Variants in SEM1 observed in about 807,000 individuals in gnomAD.
The protein encoded by SEM1 is 26S proteasome complex subunit SEM1.
Under a neutral mutation model 12.7 loss-of-function variants are expected in SEM1, and 3 were observed. The ratio of observed to expected loss-of-function variants is 0.24; its 90% CI spans 0.11 to 0.61. The LOEUF (loss-of-function observed/expected upper bound fraction) is 0.61. SEM1 is among the 20% of genes least tolerant of loss of function. The pLI is 0.88. For synonymous variants in SEM1, 30 were observed against 27.8 expected (o/e 1.08, Z -0.25); for missense variants, 59 against 81.3 (o/e 0.73, Z 1.06).
At chr7:96,632,457 A>G (rs1229249749) in intron 2 of SEM1, among the ~76,000 whole-genome samples, 1 of 152,182 alleles carries the variant, frequency 6.6e-6, no homozygotes, top group Non-Finnish European at 1.5e-5. Flanking sequence ...ACAAGAACAG[A>G]AAAGCAAACA....
chr7:96,490,299 C>T (rs1186024358), intron 1 of SEM1, among the ~76,000 whole-genome samples: 2 of 152,112 alleles, frequency 1.3e-5, no homozygotes, highest in East Asian at 1.9e-4. Context: ...AAAGACCTTT[C>T]CTCAAACAAC....
intron 2 of SEM1, among the ~76,000 whole-genome samples, chr7:96,652,978 T>C (rs1809048087): frequency 6.6e-6 from 1 of 152,198 alleles, no homozygotes; most frequent in Admixed American, 6.5e-5. Flanking sequence ...ATAACAATAA[T>C]GGTGGACAGG....
At chr7:96,566,359 CATTT>C (rs1278390101) in intron 2 of SEM1, among the ~76,000 whole-genome samples, 2 of 151,520 alleles carry the variant, frequency 1.3e-5, no homozygotes, top group African/African-American at 4.8e-5. Flanking sequence ...TTTTAATAAA[CATTT>C]ATTTAATGGT....
At chr7:96,657,483 G>T (rs2116494350) in intron 2 of SEM1, among the ~76,000 whole-genome samples, 1 of 152,262 alleles carries the variant, frequency 6.6e-6, no homozygotes, top group Admixed American at 6.5e-5. Context: ...TTAAAATCAA[G>T]GGAAAAGAGA....
At chr7:96,704,270 A>G (rs936327580) in intron 1 of SEM1, among the ~76,000 whole-genome samples, 2 of 152,198 alleles carry the variant, frequency 1.3e-5, no homozygotes, top group Admixed American at 1.3e-4. Flanking sequence ...AGAAAAAAAC[A>G]TTTAACGTTG....
chr7:96,518,388 A>C (rs756405601), intron 2 of SEM1, among the ~76,000 whole-genome samples: 3 of 152,196 alleles, frequency 2.0e-5, no homozygotes, highest in Non-Finnish European at 4.4e-5. Context: ...AGAATGAGTG[A>C]AAGAGCGATG....
intron 2 of SEM1, among the ~76,000 whole-genome samples, chr7:96,518,465 C>T (rs1804166018): frequency 6.6e-6 from 1 of 152,086 alleles, no homozygotes; most frequent in Non-Finnish European, 1.5e-5. Context: ...CAGCCTATGC[C>T]ACTGTGTCTG....
intron 1 of SEM1, among the ~76,000 whole-genome samples, chr7:96,707,491 G>C (rs1447060654): frequency 1.3e-5 from 2 of 152,150 alleles, no homozygotes; most frequent in Admixed American, 6.5e-5. Flanking sequence ...CTCTAAAATG[G>C]AAAGTTTCCT....
intron 2 of SEM1, among the ~76,000 whole-genome samples, chr7:96,578,428 G>A (rs959734081): frequency 6.6e-6 from 1 of 152,064 alleles, no homozygotes; most frequent in African/African-American, 2.4e-5. Context: ...ATCAGAAGAT[G>A]GGATAATATC....
chr7:96,702,784 T>C (rs1208713194), intron 1 of SEM1, among the ~76,000 whole-genome samples: 3 of 152,156 alleles, frequency 2.0e-5, no homozygotes, highest in African/African-American at 7.2e-5. Flanking sequence ...ACATCCCCAG[T>C]AATGGAACAA....
chr7:96,501,074 C>G (rs1048471513), upstream of SEM1, among the ~76,000 whole-genome samples: 1 of 151,968 alleles, frequency 6.6e-6, no homozygotes, highest in Non-Finnish European at 1.5e-5. Context: ...TCTTCAATAT[C>G]GTGACAAGTT....
At chr7:96,643,344 TA>T (rs898183239) in intron 2 of SEM1, among the ~76,000 whole-genome samples, 66 of 144,820 alleles carry the variant, frequency 4.6e-4, no homozygotes, top group African/African-American at 1.8e-3. Context: ...TCTTTATTTT[TA>T]TTTATTTTTA....
intron 1 of SEM1, among the ~76,000 whole-genome samples, chr7:96,488,169 TGA>T (rs1182200820): frequency 6.6e-6 from 1 of 151,992 alleles, no homozygotes; most frequent in Admixed American, 6.6e-5. Context: ...CTATGACGCA[TGA>T]GAGAAGAAGA....
At chr7:96,626,194 G>A (rs1341929852) in intron 2 of SEM1, among the ~76,000 whole-genome samples, 1 of 151,898 alleles carries the variant, frequency 6.6e-6, no homozygotes, top group African/African-American at 2.4e-5. Flanking sequence ...TCAGCCTCTG[G>A]TAACCATCCT....
intron 1 of SEM1, chr7:96,697,269 C>T (rs1790126118): frequency 1.3e-5 from 2 of 151,844 alleles, no homozygotes; most frequent in South Asian, 4.2e-4. Context: ...TTATTTTAGA[C>T]GTTGTCCCAA....
At chr7:96,667,609 GT>G (rs144169649) in intron 2 of SEM1, among the ~76,000 whole-genome samples, 3,202 of 152,250 alleles carry the variant, frequency 0.021, 86 homozygotes, top group African/African-American at 0.073. Flanking sequence ...ATTCAGGGAT[GT>G]TTTTTCTCTA....
chr7:96,703,972 A>ACACACACACAC (rs1554437189), intron 1 of SEM1, among the ~76,000 whole-genome samples: 23 of 142,084 alleles, frequency 1.6e-4, no homozygotes, highest in African/African-American at 5.6e-4. Flanking sequence ...GTCTCTTAAA[A>ACACACACACAC]ACACACACAC....
In SEM1 at chr7:96,694,087, C is replaced by T. The variant is rs368215494; in HGVS notation, c.170+711G>A. ...ACATTATGCTAAGTGAAAAAAGGTA[C>T]GCACGCAAGGTCACAATATTGTATG... On this transcript the variant is annotated intron_variant, in intron 2 of 2. Coordinates refer to ENST00000248566, the MANE Select transcript of SEM1 (RefSeq NM_006304.2). Among the ~76,000 whole-genome samples, 244 of 151,848 alleles carry T rather than the reference C, an allele frequency of 1.6e-3. 1 individual carries two copies. The South Asian group carries it at 0.025, about 16-fold the overall frequency.
chr7:96,530,009 G>A (rs1170135993), intron 2 of SEM1, among the ~76,000 whole-genome samples: 1 of 152,036 alleles, frequency 6.6e-6, no homozygotes, highest in Non-Finnish European at 1.5e-5. Context: ...CTCTCAACTA[G>A]CATTCGTGGA....
Sources: gnomAD v4.1 joint callset for allele counts (sites outside exome capture counted in the v4.1 genomes callset) on GRCh38, gnomAD v4.1.1 for gene constraint, MANE v1.5 for transcripts, NCBI Gene and HGNC (gene_info 2026-07-23, HGNC 2026-07-21) for gene names.